PLAAT1: variants seen among roughly 807,000 people sequenced by gnomAD.
PLAAT1 encodes H-REV107 protein-related protein.
A neutral mutation model predicts 16.4 loss-of-function variants in PLAAT1; 13 were observed. That is an observed-to-expected ratio of 0.79 (90% confidence interval 0.52 to 1.26). The LOEUF is 1.26. PLAAT1 is among the 50% of genes most tolerant of loss of function. The probability of loss-of-function intolerance (pLI) is 0.00; values close to 1 mark genes in which losing one functional copy is unlikely to be tolerated. For synonymous variants in PLAAT1, 73 were observed against 78.4 expected (o/e 0.93, Z 0.36); for missense variants, 218 against 207.8 (o/e 1.05, Z -0.30).
chr3:193,259,527 A>G (rs1716507535), intron 2 of PLAAT1, among the ~76,000 whole-genome samples: 1 of 152,202 alleles, frequency 6.6e-6, no homozygotes, highest in South Asian at 2.1e-4. Flanking sequence ...ACTTCAGTAA[A>G]TTTTTAGGAT....
downstream of PLAAT1, among the ~76,000 whole-genome samples, chr3:193,278,018 G>A (rs1328400620): frequency 2.0e-5 from 3 of 152,092 alleles, no homozygotes; most frequent in Non-Finnish European, 2.9e-5. Flanking sequence ...TGGCCAGGCT[G>A]GTCTTGAACT....
At chr3:193,279,575 T>C (rs531167788), downstream of PLAAT1, 1 of 694,290 alleles carries the variant, frequency 1.4e-6, no homozygotes, top group East Asian at 2.8e-5. Flanking sequence ...GATGTTTTGA[T>C]ATATCCTCAT....
intron 2 of PLAAT1, among the ~76,000 whole-genome samples, chr3:193,259,665 C>A (rs1313746870): frequency 6.6e-6 from 1 of 151,998 alleles, no homozygotes; most frequent in Non-Finnish European, 1.5e-5. Flanking sequence ...ATACATCCAA[C>A]CAAGAAGGTG....
intron 1 of PLAAT1, among the ~76,000 whole-genome samples, chr3:193,242,800 A>G (rs889966111): frequency 6.6e-6 from 1 of 152,192 alleles, no homozygotes; most frequent in Admixed American, 6.5e-5. Flanking sequence ...ATCACAGTGT[A>G]GGAGGATTAT....
At chr3:193,256,077 G>C (rs371249380) in intron 2 of PLAAT1, among the ~76,000 whole-genome samples, 1 of 152,164 alleles carries the variant, frequency 6.6e-6, no homozygotes, top group East Asian at 1.9e-4. Context: ...GCAAGGTTCA[G>C]TGTCTTTATG....
chr3:193,259,346 T>C (rs1216367180), intron 2 of PLAAT1, among the ~76,000 whole-genome samples: 1 of 152,192 alleles, frequency 6.6e-6, no homozygotes. Context: ...ACACTATTCC[T>C]GTTCAACATA....
At position 193,268,972 on chromosome 3, in the gene PLAAT1, AT is replaced by A. The variant is rs140748865; in HGVS notation, c.406-1622del. ...GTTTAAAGACACTGATTGCACCTTC[AT>A]TTTTTTTTTATTGACTACCCCATTT... On this transcript the variant is annotated intron_variant, in intron 3 of 3. Transcript: ENST00000264735. 1.6e-3 allele frequency among the ~76,000 whole-genome samples: 235 copies of A among 147,064 alleles called. 2 individuals carry two copies. Among genetic ancestry groups the A allele is most frequent in the African/African-American group, 5.2e-3 (211 of 40,242 alleles).
downstream of PLAAT1, among the ~76,000 whole-genome samples, chr3:193,280,485 A>G (rs1272352748): frequency 2.0e-5 from 3 of 152,184 alleles, no homozygotes; most frequent in African/African-American, 7.2e-5. Context: ...CTGGACTGTG[A>G]CCATTTGAAA....
At chr3:193,253,527 A>G (rs1314731253) in intron 1 of PLAAT1, among the ~76,000 whole-genome samples, 1 of 152,144 alleles carries the variant, frequency 6.6e-6, no homozygotes, top group Non-Finnish European at 1.5e-5. Flanking sequence ...CCAAAGGGTT[A>G]CTTGCGACAG....
chr3:193,244,756 G>GTTA (rs1431749188), intron 1 of PLAAT1, among the ~76,000 whole-genome samples: 1 of 152,118 alleles, frequency 6.6e-6, no homozygotes, highest in East Asian at 1.9e-4. Context: ...CACATGGTAA[G>GTTA]GGGGCTGAGT....
downstream of PLAAT1, chr3:193,274,964 A>C (rs1717115653): frequency 6.5e-7 from 1 of 1,546,598 alleles, no homozygotes; most frequent in African/African-American, 1.4e-5. Flanking sequence ...GTAAGGGGAG[A>C]GTATCATCAC....
intron 1 of PLAAT1, among the ~76,000 whole-genome samples, chr3:193,247,077 G>C (rs1312877596): frequency 6.6e-6 from 1 of 152,088 alleles, no homozygotes; most frequent in Non-Finnish European, 1.5e-5. Flanking sequence ...TCCTGATTCA[G>C]TCTTGGGTTG....
chr3:193,270,068 A>AC (rs1716929870), intron 3 of PLAAT1, among the ~76,000 whole-genome samples: 1 of 80,878 alleles, frequency 1.2e-5, no homozygotes, highest in Non-Finnish European at 2.3e-5. Flanking sequence ...GACATCCCTG[A>AC]AACACACACA....
At chr3:193,271,376 T>G (rs959886440), downstream of PLAAT1, among the ~76,000 whole-genome samples, 1 of 152,214 alleles carries the variant, frequency 6.6e-6, no homozygotes, top group Non-Finnish European at 1.5e-5. Flanking sequence ...TCCCTTTGGA[T>G]TTTGAAGTGT....
At chr3:193,253,309 C>T (rs1716260868) in intron 1 of PLAAT1, among the ~76,000 whole-genome samples, 1 of 152,080 alleles carries the variant, frequency 6.6e-6, no homozygotes, top group African/African-American at 2.4e-5. Context: ...GTTTATGAAT[C>T]AATTTATATG....
downstream of PLAAT1, chr3:193,279,321 C>A: frequency 7.2e-7 from 1 of 1,387,414 alleles, no homozygotes; most frequent in South Asian, 1.2e-5. Flanking sequence ...AATACATGGT[C>A]CATGTACATG....
intron 1 of PLAAT1, 27 bp from the exon 2 acceptor site, chr3:193,255,624 A>G (rs1716345551): frequency 6.3e-7 from 1 of 1,577,302 alleles, no homozygotes; most frequent in Non-Finnish European, 8.6e-7. Flanking sequence ...TGTATTAGCT[A>G]GCTCTTCTTT....
intron 3 of PLAAT1, among the ~76,000 whole-genome samples, chr3:193,270,069 A>AAC (rs1553807457): frequency 0.23 from 33,691 of 147,688 alleles, 4,124 homozygotes; most frequent in Non-Finnish European, 0.29. Flanking sequence ...ACATCCCTGA[A>AAC]ACACACACAC....
downstream of PLAAT1, among the ~76,000 whole-genome samples, chr3:193,278,219 G>A (rs1211710887): frequency 6.6e-6 from 1 of 152,164 alleles, no homozygotes; most frequent in Non-Finnish European, 1.5e-5. Flanking sequence ...CTGGAGCTTC[G>A]TGTTTGATAA....
Sources: allele counts gnomAD v4.1 joint callset (sites outside exome capture counted in the v4.1 genomes callset), GRCh38; gene constraint gnomAD v4.1.1; transcripts MANE v1.5; gene names NCBI Gene and HGNC (gene_info 2026-07-23, HGNC 2026-07-21).